Variants in VAT1L observed in about 807,000 individuals in gnomAD.
The protein encoded by VAT1L is vesicle amine transport 1 like, also known as putative NADPH-dependent quinone oxidoreductase VAT1L.
In VAT1L, 34 loss-of-function variants were observed where a neutral mutation model predicts 44.1. The ratio of observed to expected loss-of-function variants is 0.77; its 90% CI spans 0.59 to 1.03. The LOEUF is 1.03. VAT1L is among the 50% of genes least tolerant of loss of function. The pLI, the probability that VAT1L is intolerant of heterozygous loss-of-function variation, is 0.00. For missense variants in VAT1L, 615 were observed against 538.8 expected, an observed-to-expected ratio of 1.14 and a Z score of -1.40; for synonymous variants, 253 against 202.2, an observed-to-expected ratio of 1.25 and a Z score of -2.13.
chr16:77,877,738 T>G (rs1430753743), intron 5 of VAT1L, among the ~76,000 whole-genome samples: 1 of 152,126 alleles, frequency 6.6e-6, no homozygotes, highest in Admixed American at 6.5e-5. Flanking sequence ...CTGAAGAGCT[T>G]ATAAAATAGA....
At chr16:77,971,728 C>T (rs575187620) in intron 7 of VAT1L, 122 bp from the exon 8 acceptor site, 2 of 969,786 alleles carry the variant, frequency 2.1e-6, no homozygotes, top group South Asian at 1.6e-5. Context: ...ACCTCTTAGC[C>T]ACTAAACTTG....
chr16:77,934,351 C>T (rs955381292), intron 7 of VAT1L, among the ~76,000 whole-genome samples: 5 of 152,028 alleles, frequency 3.3e-5, no homozygotes, highest in African/African-American at 1.2e-4. Flanking sequence ...TTGGACCTGT[C>T]AATATATTAC....
At chr16:77,829,717 C>A (rs1445905537) in intron 3 of VAT1L, among the ~76,000 whole-genome samples, 1 of 152,140 alleles carries the variant, frequency 6.6e-6, no homozygotes, top group Non-Finnish European at 1.5e-5. Flanking sequence ...TGTTGCCAGT[C>A]CCGTTTAATG....
At chr16:77,934,944 C>T (rs2017775468) in intron 7 of VAT1L, among the ~76,000 whole-genome samples, 1 of 152,044 alleles carries the variant, frequency 6.6e-6, no homozygotes, top group Non-Finnish European at 1.5e-5. Flanking sequence ...AATGGACCTG[C>T]CTGTCATTTT....
intron 2 of VAT1L, among the ~76,000 whole-genome samples, chr16:77,821,258 G>A (rs2145242159): frequency 6.6e-6 from 1 of 151,864 alleles, no homozygotes; most frequent in Non-Finnish European, 1.5e-5. Context: ...TAATTATGAA[G>A]GATTATATAA....
Position 77,804,257 on chromosome 16 carries a change from A to G in VAT1L, c.234-12664A>G, listed in dbSNP as rs73574834. ...CATAAAGATGTTAACCTTTACAGGAACCTTAGGAATAAATACCTCCTGCTG... is the reference window on the plus strand; with the variant it reads ...CATAAAGATGTTAACCTTTACAGGAGCCTTAGGAATAAATACCTCCTGCTG... On this transcript the variant is annotated intron_variant, in intron 1 of 8. Transcript: ENST00000302536. 6.5e-3 allele frequency among the ~76,000 whole-genome samples: 985 copies of G among 152,256 alleles called. 8 individuals are homozygous for G. Among genetic ancestry groups the G allele is most frequent in the Middle Eastern group, 0.031 (9 of 294 alleles).
At chr16:77,959,179 C>A (rs2018135829) in intron 7 of VAT1L, among the ~76,000 whole-genome samples, 1 of 152,172 alleles carries the variant, frequency 6.6e-6, no homozygotes, top group African/African-American at 2.4e-5. Flanking sequence ...CAACATGCAG[C>A]TGCTCTAAAA....
intron 8 of VAT1L, among the ~76,000 whole-genome samples, chr16:77,972,379 C>G (rs906224593): frequency 6.6e-6 from 1 of 152,068 alleles, no homozygotes; most frequent in Non-Finnish European, 1.5e-5. Context: ...AGTGCAGTAG[C>G]ACTATCTCAA....
intron 4 of VAT1L, among the ~76,000 whole-genome samples, chr16:77,870,347 A>G (rs1448791650): frequency 6.6e-6 from 1 of 152,226 alleles, no homozygotes; most frequent in African/African-American, 2.4e-5. Flanking sequence ...GAGTTCTCAG[A>G]AAAAGGGATT....
intron 4 of VAT1L, among the ~76,000 whole-genome samples, chr16:77,863,977 G>A (rs910814715): frequency 1.1e-4 from 16 of 152,168 alleles, no homozygotes; most frequent in African/African-American, 3.9e-4. Flanking sequence ...GGGAGGCTGG[G>A]GCTGCAAGAT....
At chr16:77,955,138 T>C (rs1331947027) in intron 7 of VAT1L, among the ~76,000 whole-genome samples, 1 of 152,152 alleles carries the variant, frequency 6.6e-6, no homozygotes, top group East Asian at 1.9e-4. Context: ...ATGTGGATAC[T>C]GAGATGGGGC....
At chr16:77,862,950 G>A (rs1370294616) in intron 4 of VAT1L, 60 bp downstream of exon 4, 1 of 1,555,022 alleles carries the variant, frequency 6.4e-7, no homozygotes, top group Non-Finnish European at 8.7e-7. Flanking sequence ...TCAAAGAGCA[G>A]TAGCACTTAT....
At chr16:77,955,167 A>G (rs1233883150) in intron 7 of VAT1L, among the ~76,000 whole-genome samples, 2 of 152,216 alleles carry the variant, frequency 1.3e-5, no homozygotes, top group African/African-American at 4.8e-5. Flanking sequence ...GCTCTTCAAG[A>G]GCCCATGGAG....
At chr16:77,850,504 T>C (rs529236687) in intron 3 of VAT1L, among the ~76,000 whole-genome samples, 1 of 152,248 alleles carries the variant, frequency 6.6e-6, no homozygotes, top group Non-Finnish European at 1.5e-5. Flanking sequence ...TATGACCCTA[T>C]TTGCCTAAGA....
chr16:77,914,546 T>C (rs1356867893), intron 7 of VAT1L, among the ~76,000 whole-genome samples: 1 of 152,182 alleles, frequency 6.6e-6, no homozygotes, highest in Non-Finnish European at 1.5e-5. Flanking sequence ...ATAACGCAAA[T>C]TAAACTTGAA....
chr16:77,891,593 G>C (rs146538253), intron 7 of VAT1L, among the ~76,000 whole-genome samples: 1 of 152,116 alleles, frequency 6.6e-6, no homozygotes, highest in Non-Finnish European at 1.5e-5. Context: ...CCTCAGTCTC[G>C]CTGAGTCTTC....
intron 8 of VAT1L, 126 bp downstream of exon 8, chr16:77,972,059 G>A (rs990950576): frequency 8.9e-6 from 7 of 782,428 alleles, no homozygotes; most frequent in African/African-American, 6.9e-5. Context: ...GAGACCAGGG[G>A]TAATCAAATG....
chr16:77,900,312 T>C (rs111395190), intron 7 of VAT1L, among the ~76,000 whole-genome samples: 1,799 of 152,274 alleles, frequency 0.012, 39 homozygotes, highest in African/African-American at 0.041. Flanking sequence ...ATGTGCTTAT[T>C]TTGCCCTTTC....
At chr16:77,934,771 G>C (rs963104735) in intron 7 of VAT1L, among the ~76,000 whole-genome samples, 1 of 152,124 alleles carries the variant, frequency 6.6e-6, no homozygotes, top group African/African-American at 2.4e-5. Flanking sequence ...TCTTAAAATG[G>C]AAAAGTACTT....
Sources: allele counts gnomAD v4.1 joint callset (sites outside exome capture counted in the v4.1 genomes callset), GRCh38; gene constraint gnomAD v4.1.1; transcripts MANE v1.5; gene names NCBI Gene and HGNC (gene_info 2026-07-23, HGNC 2026-07-21).